Variants in UBASH3B observed in about 807,000 individuals in gnomAD.
The protein encoded by UBASH3B is ubiquitin-associated and SH3 domain-containing protein B.
A neutral mutation model predicts 83.4 loss-of-function variants in UBASH3B; 37 were observed. That is an observed-to-expected ratio of 0.44 (90% confidence interval 0.34 to 0.58). The LOEUF (loss-of-function observed/expected upper bound fraction) is 0.58, where lower values mean the gene tolerates loss of function less well. Among genes scored for constraint, UBASH3B ranks in the 20% least tolerant of loss-of-function variants. The pLI is 0.01. For missense variants in UBASH3B, 657 were observed against 827.2 expected, an observed-to-expected ratio of 0.79 and a Z score of 2.52; for synonymous variants, 304 against 318.3, an observed-to-expected ratio of 0.96 and a Z score of 0.48.
intron 1 of UBASH3B, among the ~76,000 whole-genome samples, chr11:122,760,935 C>A (rs1010702380): frequency 6.6e-6 from 1 of 152,188 alleles, no homozygotes; most frequent in African/African-American, 2.4e-5. Flanking sequence ...ACCCCAAGAC[C>A]ATCCAGTTGT....
intron 1 of UBASH3B, among the ~76,000 whole-genome samples, chr11:122,712,390 T>TA (rs1864206187): frequency 6.6e-6 from 1 of 152,196 alleles, no homozygotes; most frequent in African/African-American, 2.4e-5. Context: ...CTTGGGTAGA[T>TA]ACACACCCAG....
chr11:122,747,768 G>A (rs1379466464), intron 1 of UBASH3B, among the ~76,000 whole-genome samples: 1 of 152,186 alleles, frequency 6.6e-6, no homozygotes, highest in South Asian at 2.1e-4. Flanking sequence ...GGATGCCAAA[G>A]TTTAAGTAAG....
rs10604456 is a variant in UBASH3B, at chr11:122,810,056, CTT to C, written c.*171_*172del. 0.037 allele frequency: 28,571 copies of C among 772,752 alleles called. 1,986 individuals are homozygous for C. Among genetic ancestry groups the C allele is most frequent in the African/African-American group, 0.23 (13,314 of 56,702 alleles). The allele number at this position is 772,752 out of a possible 1,614,324, so 47.9% of individuals were successfully genotyped here. On this transcript the variant is annotated 3_prime_UTR_variant, in exon 14 of 14. Coordinates refer to ENST00000284273, the MANE Select transcript of UBASH3B (RefSeq NM_032873.5). ...TGAGACTGTGTAAATGAGAGAAAGA[CTT>C]GATTCAGAGGAAAAAAATGTGTTCT... is the stretch of plus-strand genomic sequence containing the variant.
intron 1 of UBASH3B, among the ~76,000 whole-genome samples, chr11:122,692,607 A>G (rs781478918): frequency 2.6e-5 from 4 of 152,226 alleles, no homozygotes; most frequent in African/African-American, 4.8e-5. Flanking sequence ...TGTGGAAGAC[A>G]GTTTGCATAC....
chr11:122,797,982 A>C (rs1861183114), intron 9 of UBASH3B, among the ~76,000 whole-genome samples: 1 of 152,324 alleles, frequency 6.6e-6, no homozygotes, highest in South Asian at 2.1e-4. Flanking sequence ...TTAATCCAGT[A>C]GACAAAATAA....
chr11:122,800,776 G>A (rs1334548648), intron 10 of UBASH3B, among the ~76,000 whole-genome samples: 2 of 151,848 alleles, frequency 1.3e-5, no homozygotes, highest in Non-Finnish European at 2.9e-5. Context: ...CCCTGTTAAT[G>A]TTTGTATTTT....
At chr11:122,738,002 A>G (rs1037477108) in intron 1 of UBASH3B, among the ~76,000 whole-genome samples, 2 of 152,230 alleles carry the variant, frequency 1.3e-5, no homozygotes, top group African/African-American at 4.8e-5. Flanking sequence ...GAAACTGAGA[A>G]TAAGCCACTA....
chr11:122,776,585 G>C (rs976311890), intron 2 of UBASH3B, among the ~76,000 whole-genome samples: 1 of 152,164 alleles, frequency 6.6e-6, no homozygotes, highest in African/African-American at 2.4e-5. Context: ...ATTTAGAAAA[G>C]TACCCTACTT....
At chr11:122,750,336 A>T (rs1012107247) in intron 1 of UBASH3B, among the ~76,000 whole-genome samples, 1 of 152,190 alleles carries the variant, frequency 6.6e-6, no homozygotes, top group South Asian at 2.1e-4. Context: ...TAAAGAACAC[A>T]TCGGCTGGGT....
intron 1 of UBASH3B, among the ~76,000 whole-genome samples, chr11:122,730,255 G>T (rs908953455): frequency 6.6e-6 from 1 of 152,186 alleles, no homozygotes; most frequent in African/African-American, 2.4e-5. Flanking sequence ...GGTGGCTGTG[G>T]AAGAAGTGGC....
chr11:122,700,259 G>A (rs1472025011), intron 1 of UBASH3B, among the ~76,000 whole-genome samples: 1 of 152,178 alleles, frequency 6.6e-6, no homozygotes, highest in Non-Finnish European at 1.5e-5. Flanking sequence ...TGCTGAATGA[G>A]ATGGGCTGAC....
At chr11:122,782,981 C>A (rs12575062) in intron 4 of UBASH3B, 72 bp from the exon 5 acceptor site, 366,172 of 1,519,066 alleles carry the variant, frequency 0.24, 44,834 homozygotes, top group African/African-American at 0.33. Flanking sequence ...CCTTTCTATG[C>A]CTTTCCTTAA....
chr11:122,789,682 C>T (rs1004067582), intron 6 of UBASH3B, among the ~76,000 whole-genome samples: 5 of 152,096 alleles, frequency 3.3e-5, no homozygotes, highest in Admixed American at 1.3e-4. Flanking sequence ...AGCAGCTGGG[C>T]GGATTACTAC....
intron 1 of UBASH3B, among the ~76,000 whole-genome samples, chr11:122,712,487 T>C (rs958374648): frequency 6.6e-6 from 1 of 152,144 alleles, no homozygotes; most frequent in Non-Finnish European, 1.5e-5. Context: ...GGGGCTCTCA[T>C]GCTTGCTTCC....
At chr11:122,692,004 T>A (rs911816487) in intron 1 of UBASH3B, among the ~76,000 whole-genome samples, 1 of 152,128 alleles carries the variant, frequency 6.6e-6, no homozygotes, top group African/African-American at 2.4e-5. Flanking sequence ...AGAGTGGTAG[T>A]TAAGAACACT....
intron 1 of UBASH3B, among the ~76,000 whole-genome samples, chr11:122,721,525 A>C (rs150070379): frequency 6.6e-6 from 1 of 152,320 alleles, no homozygotes; most frequent in Non-Finnish European, 1.5e-5. Context: ...AGCTTGCCTG[A>C]GAGTTCAGTA....
At chr11:122,760,385 G>C (rs1456366178) in intron 1 of UBASH3B, among the ~76,000 whole-genome samples, 5 of 151,818 alleles carry the variant, frequency 3.3e-5, no homozygotes, top group African/African-American at 1.2e-4. Context: ...CTTTGAGATG[G>C]AGTCTTGCTC....
In UBASH3B at chr11:122,688,625, C is replaced by CTTTTA. The variant is rs560066242; in HGVS notation, c.161+32445_161+32449dup. Among the ~76,000 whole-genome samples, 313 of 137,384 alleles carry CTTTTA rather than the reference C, an allele frequency of 2.3e-3. 2 individuals are homozygous for CTTTTA. The highest frequency in any genetic ancestry group is 6.1e-3 in the African/African-American group (216 of 35,184). The allele number at this position is 137,384 out of a possible 152,430, so 90.1% of individuals were successfully genotyped here. A position where few individuals can be genotyped will look rare whatever the true frequency, so the allele number is the denominator to read the frequency against. On this transcript the variant is annotated intron_variant, in intron 1 of 13. Transcript: ENST00000284273. ...CCACGTCTGGCTAATTTTTTTCTTT[C>CTTTTA]TTTTATTTTATTTTATTTTATTTTA...
chr11:122,744,047 G>A (rs997547758), intron 1 of UBASH3B, among the ~76,000 whole-genome samples: 1 of 152,234 alleles, frequency 6.6e-6, no homozygotes, highest in Non-Finnish European at 1.5e-5. Context: ...TCTCCTGCCT[G>A]TGAGGGAGAC....
Sources: allele counts gnomAD v4.1 joint callset (sites outside exome capture counted in the v4.1 genomes callset), GRCh38; gene constraint gnomAD v4.1.1; transcripts MANE v1.5; gene names NCBI Gene and HGNC (gene_info 2026-07-23, HGNC 2026-07-21).